The following CKMT2 variants were observed in gnomAD, a reference collection of about 807,000 sequenced individuals.
CKMT2 encodes creatine kinase, mitochondrial 2.
In CKMT2, 43 loss-of-function variants were observed where a neutral mutation model predicts 48.9. That is an observed-to-expected ratio of 0.88 (90% CI 0.69 to 1.13). The LOEUF (loss-of-function observed/expected upper bound fraction) is 1.13, where lower values mean the gene tolerates loss of function less well. Ranked by LOEUF, CKMT2 falls within the 50% of genes most tolerant of loss-of-function variation. CKMT2 has a pLI of 0.00. For missense variants in CKMT2, 472 were observed against 555.4 expected (o/e 0.85, Z 1.51); for synonymous variants, 206 against 213.0 (o/e 0.97, Z 0.29).
At position 81,255,197 on chromosome 5, in the gene CKMT2, C is replaced by G; in HGVS notation, c.652C>G (p.Gln218Glu). 1 of 1,614,038 alleles carries G rather than the reference C, an allele frequency of 6.2e-7. No homozygotes were observed. Residue 218 changes from glutamine to glutamate, a missense_variant, in exon 5 of 10, where the codon CAG becomes GAG. Transcript: ENST00000254035. ...GCTGTCCGAGATGACGGAGCAGGACCAGCAGCGGCTCATCGATGTGAGTAG... is the reference window on the plus strand; with the variant it reads ...GCTGTCCGAGATGACGGAGCAGGACGAGCAGCGGCTCATCGATGTGAGTAG... Reference protein sequence around the residue: ...YKLSEMTEQDQQRLIDDHFLF... With the variant: ...YKLSEMTEQDEQRLIDDHFLF...
intron 7 of CKMT2, among the ~76,000 whole-genome samples, chr5:81,258,328 C>CCATTCCACTGTGGTTTGGGG (rs1316469419): frequency 6.6e-6 from 1 of 152,202 alleles, no homozygotes; most frequent in African/African-American, 2.4e-5. Flanking sequence ...GCTTACTTCC[C>CCATTCCACTGTGGTTTGGGG]CATTCCACTG....
intron 5 of CKMT2, among the ~76,000 whole-genome samples, chr5:81,255,923 GC>G (rs910837565): frequency 6.6e-6 from 1 of 151,518 alleles, no homozygotes; most frequent in African/African-American, 2.4e-5. Flanking sequence ...TATATGGCCT[GC>G]CCAGTTACAG....
intron 1 of CKMT2, among the ~76,000 whole-genome samples, chr5:81,234,103 T>A (rs528378571): frequency 3.8e-5 from 5 of 131,422 alleles, no homozygotes; most frequent in Non-Finnish European, 6.5e-5. Flanking sequence ...TTCACTAGCT[T>A]GCTTGCTTGG....
rs113783848 is a variant in CKMT2, at chr5:81,249,052, C to CTT, written c.-20-2046_-20-2045dup. On this transcript the variant is annotated intron_variant, in intron 1 of 9. Transcript: ENST00000254035. ...TCCAAATATGAGGGAAATCCATGCT[C>CTT]TTTTTTTTTTTTTTTTGAGACAGTT... is the stretch of plus-strand genomic sequence containing the variant. Among the ~76,000 whole-genome samples the CTT allele has an allele frequency of 7.6e-4, 105 of 138,362 alleles. 1 individual carries two copies. In the South Asian group the frequency reaches 0.013, roughly 17 times the overall value. The allele number at this position is 138,362 out of a possible 152,430, so 90.8% of individuals were successfully genotyped here. A position where few individuals can be genotyped will look rare whatever the true frequency, so the allele number is the denominator to read the frequency against.
At position 81,259,209 on chromosome 5, in the gene CKMT2, A is replaced by G. The variant is rs1198816102; in HGVS notation, c.969A>G (p.Thr323=). The change falls in exon 8 of 10, where the codon ACA becomes ACG. Residue 323 remains threonine, a synonymous_variant. Transcript: ENST00000254035. The part of the protein sequence containing the change: ...YILTCPSNLG[T]GLRAGVHVRI... ...TGACCTGTCCTTCGAACCTTGGAACAGGACTACGAGCTGGTGTCCACGTTA... is the reference window on the plus strand; with the variant it reads ...TGACCTGTCCTTCGAACCTTGGAACGGGACTACGAGCTGGTGTCCACGTTA... The G allele has an allele frequency of 6.2e-7, 1 of 1,614,126 alleles. No individual in the cohort carries two copies. Among genetic ancestry groups the G allele is most frequent in the Non-Finnish European group, 8.5e-7 (1 of 1,179,994 alleles).
At chr5:81,249,629 T>C (rs1314547745) in intron 1 of CKMT2, among the ~76,000 whole-genome samples, 1 of 146,326 alleles carries the variant, frequency 6.8e-6, no homozygotes, top group Non-Finnish European at 1.5e-5. Flanking sequence ...TAAATACTTA[T>C]TTAGATTTAT....
At chr5:81,260,142 G>A (rs1221359401) in intron 8 of CKMT2, among the ~76,000 whole-genome samples, 1 of 152,116 alleles carries the variant, frequency 6.6e-6, no homozygotes, top group African/African-American at 2.4e-5. Flanking sequence ...CGAAATAAAG[G>A]CAGAAATAAA....
intron 2 of CKMT2, chr5:81,252,300 C>T (rs12652649): frequency 0.12 from 25,953 of 214,666 alleles, 1,851 homozygotes; most frequent in East Asian, 0.2. Context: ...CTGAGGGAAT[C>T]GCCAGCAACC....
At chr5:81,247,473 TG>T (rs1301743242) in intron 1 of CKMT2, among the ~76,000 whole-genome samples, 1 of 152,234 alleles carries the variant, frequency 6.6e-6, no homozygotes, top group Non-Finnish European at 1.5e-5. Flanking sequence ...AGAATGCTTA[TG>T]TAACATTTGG....
At chr5:81,257,141 AGTGTGTGTGTGT>A (rs3830407) in intron 6 of CKMT2, 141 bp downstream of exon 6, 19,340 of 498,144 alleles carry the variant, frequency 0.039, 301 homozygotes, top group African/African-American at 0.087. Flanking sequence ...CTACTTGGAA[AGTGTGTGTGTGT>A]GTGTGTGTGT....
At chr5:81,239,655 C>T (rs960194861) in intron 1 of CKMT2, among the ~76,000 whole-genome samples, 1 of 152,174 alleles carries the variant, frequency 6.6e-6, no homozygotes, top group Non-Finnish European at 1.5e-5. Context: ...ATGCTTAAGA[C>T]CTGACAAGGC....
At chr5:81,263,766 C>A in intron 9 of CKMT2, 150 bp downstream of exon 9, 1 of 577,754 alleles carries the variant, frequency 1.7e-6, no homozygotes, top group Non-Finnish European at 2.9e-6. Context: ...CATTCTGTAA[C>A]ATTATTCTTC....
rs758317752 is a variant in CKMT2, at chr5:81,259,224, T to C, written c.984T>C (p.Gly328=). 3.7e-6 allele frequency: 6 copies of C among 1,613,958 alleles called. No homozygotes were observed. The African/African-American group carries it at 5.3e-5, about 14-fold the overall frequency. Residue 328 remains glycine (G), a synonymous_variant, in exon 8 of 10, where the codon GGT becomes GGC. Transcript: ENST00000254035. ...PSNLGTGLRA[G]VHVRIPKLSK... is the part of the protein sequence containing the mutation. ...ACCTTGGAACAGGACTACGAGCTGG[T>C]GTCCACGTTAGGATCCCAAAGCTCA... is the stretch of plus-strand genomic sequence containing the variant.
chr5:81,242,583 A>G (rs1756474271), intron 1 of CKMT2: 1 of 378,476 alleles, frequency 2.6e-6, no homozygotes, highest in Admixed American at 2.8e-5. Context: ...AGGCACACAA[A>G]GATGGGGTTG....
chr5:81,257,824 G>T lies in CKMT2; in HGVS notation c.847G>T (p.Val283Leu). The T allele has an allele frequency of 3.7e-6, 6 of 1,613,784 alleles. No individual in the cohort carries two copies. The highest frequency in any genetic ancestry group is 5.1e-6 in the Non-Finnish European group (6 of 1,179,718). The change falls in exon 7 of 10, where the codon GTA (valine) becomes TTA (leucine). Residue 283 changes from valine (V) to leucine (L), a missense_variant. Val to Leu is a conservative substitution (Grantham distance 32, BLOSUM62 1). Transcript: ENST00000254035. ...SMEKGGNMKR[V>L]FERFCRGLKE... ...GGAAAAAGGAGGCAATATGAAACGA[G>T]TATTTGAGCGATTCTGTCGTGGACT...
chr5:81,253,037 G>A (rs1379906330), intron 3 of CKMT2, 144 bp downstream of exon 3: 12 of 826,424 alleles, frequency 1.5e-5, no homozygotes, highest in Non-Finnish European at 2.2e-5. Context: ...GCCAGCTCCA[G>A]CAGAACCATC....
intron 1 of CKMT2, among the ~76,000 whole-genome samples, chr5:81,248,778 T>C (rs1756698999): frequency 6.6e-6 from 1 of 152,238 alleles, no homozygotes; most frequent in South Asian, 2.1e-4. Context: ...CTGTAACCCC[T>C]ACTCAGAAGA....
intron 1 of CKMT2, 131 bp from the exon 2 acceptor site, chr5:81,250,982 A>AG: frequency 1.2e-5 from 5 of 414,532 alleles, no homozygotes; most frequent in South Asian, 2.4e-5. Context: ...CACACACAGA[A>AG]AGAGAGAGAG....
rs776739615 is a variant in CKMT2, at chr5:81,255,225, G to C, written c.669+11G>C. Reference sequence around the variant, plus strand: ...CAGCGGCTCATCGATGTGAGTAGCAGATGGGGCTCCCTGGGGAAGGACTGG... The same window carrying C: ...CAGCGGCTCATCGATGTGAGTAGCACATGGGGCTCCCTGGGGAAGGACTGG... On this transcript the variant is annotated intron_variant, in intron 5 of 9. Transcript: ENST00000254035. The C allele has an allele frequency of 1.2e-6, 2 of 1,612,186 alleles. No individual in the cohort carries two copies. Among genetic ancestry groups the C allele is most frequent in the Admixed American group, 1.7e-5 (1 of 59,958 alleles).
Sources: allele counts gnomAD v4.1 joint callset (sites outside exome capture counted in the v4.1 genomes callset), GRCh38; gene constraint gnomAD v4.1.1; transcripts MANE v1.5; gene names NCBI Gene and HGNC (gene_info 2026-07-23, HGNC 2026-07-21).